HJV: variants seen among roughly 807,000 people sequenced by gnomAD.
HJV encodes the protein hemojuvelin.
HJV carries 18 observed loss-of-function variants against 22.7 expected under a neutral mutation model. The ratio of observed to expected loss-of-function variants is 0.79; its 90% CI spans 0.55 to 1.18. The LOEUF (loss-of-function observed/expected upper bound fraction) is 1.18, where lower values mean the gene tolerates loss of function less well. Ranked by LOEUF, HJV falls within the 50% of genes most tolerant of loss-of-function variation. The pLI, the probability that HJV is intolerant of heterozygous loss-of-function variation, is 0.00. For synonymous variants in HJV, 229 were observed against 222.7 expected, an observed-to-expected ratio of 1.03 and a Z score of -0.25; for missense variants, 572 against 553.0, an observed-to-expected ratio of 1.03 and a Z score of -0.34.
chr1:146,019,692 A>C lies in HJV; in HGVS notation c.140T>G (p.Val47Gly), dbSNP rs1441174539. 1 of 1,614,038 alleles carries C rather than the reference A, an allele frequency of 6.2e-7. No homozygotes were observed. The highest frequency in any genetic ancestry group is 8.5e-7 in the Non-Finnish European group (1 of 1,179,978). Residue 47 changes from valine (V) to glycine (G), a missense_variant, in exon 3 of 4, where the codon GTA becomes GGA. Val to Gly is a moderately radical substitution (Grantham distance 109). Transcript: ENST00000336751. ...CKILRCNAEYVSSTLSLRGGG... is the reference protein window; with the variant it reads ...CKILRCNAEYGSSTLSLRGGG... ...ACCTCTAAGGCTCAGAGTGGACGAT[A>C]CGTACTCAGCATTGCAGCGGAGGAT...
intron 1 of HJV, 53 bp from the exon 2 acceptor site, chr1:146,020,373 T>C (rs2101986792): frequency 1.4e-6 from 1 of 699,770 alleles, no homozygotes; most frequent in East Asian, 2.6e-5. Context: ...TGAAGATTGG[T>C]AAGGATAATG....
At position 146,018,437 on chromosome 1, in the gene HJV, G is replaced by T; in HGVS notation, c.921C>A (p.Ala307=). 1 of 1,614,132 alleles carries T rather than the reference G, an allele frequency of 6.2e-7. No homozygotes were observed. The highest frequency in any genetic ancestry group is 8.5e-7 in the Non-Finnish European group (1 of 1,180,012). ...SIKVAEDVAM[A]FSAEQDLQLC... is the part of the protein sequence containing the mutation. ...GCTGCAGGTCCTGTTCAGCTGAGAA[G>T]GCCATGGCCACATCCTCTGCTACCT... Residue 307 remains alanine, a synonymous_variant, in exon 4 of 4, where the codon GCC becomes GCA. Coordinates refer to ENST00000336751, the MANE Select transcript of HJV (RefSeq NM_213653.4).
rs1553769374 is a variant in HJV, at chr1:146,018,160, C to A, written c.1198G>T (p.Asp400Tyr). The A allele has an allele frequency of 6.2e-7, 1 of 1,614,154 alleles. No individual in the cohort carries two copies. Among genetic ancestry groups the A allele is most frequent in the Admixed American group, 1.7e-5 (1 of 60,002 alleles). ...GCTGAGGAAAGAGGAACCCCAGCAT[C>A]TGAGGGGAAGAGATGCAGCTTCTCT... ...DLEKLHLFPSDAGVPLSSATL... is the reference protein window; with the variant it reads ...DLEKLHLFPSYAGVPLSSATL... The change falls in exon 4 of 4, where the codon GAT (aspartate) becomes TAT (tyrosine). Residue 400 changes from aspartate (D) to tyrosine (Y), a missense_variant. Coordinates refer to ENST00000336751, the MANE Select transcript of HJV (RefSeq NM_213653.4).
Position 146,020,201 on chromosome 1 carries a change from T to G in HJV, c.31A>C (p.Arg11=). The G allele has an allele frequency of 1.2e-6, 2 of 1,613,320 alleles. No individual in the cohort carries two copies. Among genetic ancestry groups the G allele is most frequent in the South Asian group, 2.2e-5 (2 of 91,060 alleles). MGEPGQSPSP[R]SSHGSPPTLS... ...GTTGGGGGACTGCCATGGGAGGACC[T>G]GGGACTAGGGGACTGGCCTGGCTCC... The change falls in exon 2 of 4, where the codon AGG becomes CGG. Residue 11 remains arginine, a synonymous_variant. Coordinates refer to ENST00000336751, the MANE Select transcript of HJV (RefSeq NM_213653.4).
At chr1:146,019,986 G>A (rs1652620144) in intron 2 of HJV, 149 bp downstream of exon 2, 3 of 795,626 alleles carry the variant, frequency 3.8e-6, no homozygotes, top group Non-Finnish European at 6.4e-6. Flanking sequence ...CAGACTGAAC[G>A]GGAAATAAAA....
intron 3 of HJV, among the ~76,000 whole-genome samples, chr1:146,018,949 C>T (rs1014012787): frequency 2.0e-5 from 3 of 152,228 alleles, no homozygotes; most frequent in African/African-American, 7.2e-5. Flanking sequence ...GGTCCGCCCT[C>T]TCCGACTGTC....
At position 146,020,196 on chromosome 1, in the gene HJV, G is replaced by A. The variant is rs782353689; in HGVS notation, c.36C>T (p.Ser12=). ...GEPGQSPSPR[S]SHGSPPTLST... ...TTAGAGTTGGGGGACTGCCATGGGA[G>A]GACCTGGGACTAGGGGACTGGCCTG... Residue 12 remains serine, a synonymous_variant, in exon 2 of 4, where the codon TCC becomes TCT. Coordinates refer to ENST00000336751, the MANE Select transcript of HJV (RefSeq NM_213653.4). 25 of 1,613,310 alleles carry A rather than the reference G, an allele frequency of 1.5e-5. No individual in the cohort carries two copies. The highest frequency in any genetic ancestry group is 2.0e-5 in the Non-Finnish European group (24 of 1,179,420).
Position 146,019,440 on chromosome 1 carries a change from C to T in HJV, c.392G>A (p.Arg131Gln), listed in dbSNP as rs1553769723. ...GCCCGCGCCTGGAAGGGCGGGGCCC[C>T]GGGGCGGGGGAGGGGCTGTAGGGCC... ...RQGPTAPPPP[R>Q]GPALPGAGSG... Residue 131 changes from arginine (R) to glutamine (Q), a missense_variant, in exon 3 of 4, where the codon CGG (arginine) becomes CAG (glutamine). Physicochemically the swap from Arg to Gln is conservative, Grantham distance 43. Transcript: ENST00000336751. 22 of 1,611,944 alleles carry T rather than the reference C, an allele frequency of 1.4e-5. No individual in the cohort carries two copies. Among genetic ancestry groups the T allele is most frequent in the Admixed American group, 5.0e-5 (3 of 59,970 alleles).
At chr1:146,021,154 T>C (rs1019439796) in intron 1 of HJV, among the ~76,000 whole-genome samples, 1 of 151,522 alleles carries the variant, frequency 6.6e-6, no homozygotes, top group Non-Finnish European at 1.5e-5. Context: ...GGGACTAGAG[T>C]TGTGGGGAGA....
In HJV at chr1:146,021,730, GAGA is replaced by G. The variant is rs1553770133; in HGVS notation, c.-236_-234del. On this transcript the variant is annotated 5_prime_UTR_variant, in exon 1 of 4. Transcript: ENST00000336751. ...CTGTCTCACTGAGGTCAGGGAACCA[GAGA>G]AGGTTTGGTATGGGGGGAAGGGGGA... 1 of 152,780 alleles carries G rather than the reference GAGA, an allele frequency of 6.5e-6. No homozygotes were observed. Among genetic ancestry groups the G allele is most frequent in the Non-Finnish European group, 1.5e-5 (1 of 68,174 alleles). The allele number at this position is 152,780 out of a possible 1,614,324, so 9.5% of individuals were successfully genotyped here. A position where few individuals can be genotyped will look rare whatever the true frequency, so the allele number is the denominator to read the frequency against.
chr1:146,021,422 C>A (rs935465267), intron 1 of HJV, among the ~76,000 whole-genome samples, 165 bp downstream of exon 1: 30 of 152,026 alleles, frequency 2.0e-4, no homozygotes, highest in African/African-American at 7.0e-4. Flanking sequence ...AGGCCAGAGG[C>A]CAGAAAGAAA....
intron 1 of HJV, among the ~76,000 whole-genome samples, chr1:146,021,030 C>G (rs1553770056): frequency 6.6e-6 from 1 of 152,184 alleles, no homozygotes; most frequent in African/African-American, 2.4e-5. Context: ...AGTTCTCAGT[C>G]TTTTATGATG....
rs777931884 is a variant in HJV, at chr1:146,017,882, G to A, written c.*195C>T. 4 of 645,398 alleles carry A rather than the reference G, an allele frequency of 6.2e-6. No individual in the cohort carries two copies. Among genetic ancestry groups the A allele is most frequent in the Non-Finnish European group, 1.1e-5 (4 of 367,786 alleles). 40.0% of individuals were successfully genotyped at this position (645,398 alleles called of 1,614,324 possible). A position where few individuals can be genotyped will look rare whatever the true frequency, so the allele number is the denominator to read the frequency against. ...TGGTGAAGAGCCCCACAGAGATCCG[G>A]AATGCAGTAACCTTGCCCAGAATCC... On this transcript the variant is annotated 3_prime_UTR_variant, in exon 4 of 4. Coordinates refer to ENST00000336751, the MANE Select transcript of HJV (RefSeq NM_213653.4).
At position 146,018,477 on chromosome 1, in the gene HJV, A is replaced by T. The variant is rs782273448; in HGVS notation, c.881T>A (p.Leu294His). ...TIIIRQTAGQLSFSIKVAEDV... is the reference protein window; with the variant it reads ...TIIIRQTAGQHSFSIKVAEDV... ...CTCTGCTACCTTGATGGAGAAGGAG[A>T]GCTGCCCAGCTGTCTGCCGAATGAT... is the stretch of plus-strand genomic sequence containing the variant. The change falls in exon 4 of 4, where the codon CTC becomes CAC. Residue 294 changes from leucine to histidine, a missense_variant. Transcript: ENST00000336751. 8.1e-6 allele frequency: 13 copies of T among 1,614,008 alleles called. No individual in the cohort carries two copies. The African/African-American group carries it at 1.7e-4, about 22-fold the overall frequency.
In HJV at chr1:146,020,227, C is replaced by T; in HGVS notation, c.5G>A (p.Gly2Glu). The change falls in exon 2 of 4, where the codon GGG becomes GAG. Residue 2 changes from glycine to glutamate, a missense_variant. Transcript: ENST00000336751. M[G>E]EPGQSPSPRS... ...GGGACTAGGGGACTGGCCTGGCTCC[C>T]CCATACCTATCCAGCCAGGTTTCCC... 1 of 1,608,110 alleles carries T rather than the reference C, an allele frequency of 6.2e-7. No homozygotes were observed. The highest frequency in any genetic ancestry group is 8.5e-7 in the Non-Finnish European group (1 of 1,174,486).
Position 146,018,021 on chromosome 1 carries a change from A to G in HJV, c.*56T>C. The stretch of plus-strand genomic sequence containing the variant: ...CTTTAATGATTCTTTACATTCTTCT[A>G]TGCCAATCTGTATCTCCAAATCATT... On this transcript the variant is annotated 3_prime_UTR_variant, in exon 4 of 4. Coordinates refer to ENST00000336751, the MANE Select transcript of HJV (RefSeq NM_213653.4). 2 of 1,578,446 alleles carry G rather than the reference A, an allele frequency of 1.3e-6. No individual in the cohort carries two copies. The highest frequency in any genetic ancestry group is 1.7e-5 in the Admixed American group (1 of 59,846).
intron 1 of HJV, among the ~76,000 whole-genome samples, chr1:146,021,040 G>A (rs1466696177): frequency 2.0e-5 from 3 of 152,114 alleles, no homozygotes; most frequent in Non-Finnish European, 4.4e-5. Flanking sequence ...CTTTTATGAT[G>A]ACAGGAGTTG....
rs148998327 is a variant in HJV at position 146,018,290 on chromosome 1, A to G, written c.1068T>C (p.Ala356=). 73 of 1,614,110 alleles carry G rather than the reference A, an allele frequency of 4.5e-5. No homozygotes were observed. The Middle Eastern group carries it at 1.2e-3, about 26-fold the overall frequency. The change falls in exon 4 of 4, where the codon GCT becomes GCC. Residue 356 remains alanine, a synonymous_variant. Transcript: ENST00000336751. The part of the protein sequence containing the change: ...LCKEGLPVED[A]YFHSCVFDVL... ...CATCAAAGACACAGGAATGGAAGTA[A>G]GCATCTTCCACTGGAAGCCCTTCCT...
chr1:146,020,151 C>G lies in HJV; in HGVS notation c.81G>C (p.Leu27=), dbSNP rs782128359. 1.2e-5 allele frequency: 19 copies of G among 1,609,606 alleles called. No homozygotes were observed. In the South Asian group the frequency reaches 1.5e-4, roughly 13 times the overall value. Reference sequence around the variant, plus strand: ...CTTCCTTACCATGTCCACAGAGGAGCAGCAGGAGAGTGAGAGTGCTTAGAG... The same window carrying G: ...CTTCCTTACCATGTCCACAGAGGAGGAGCAGGAGAGTGAGAGTGCTTAGAG... ...PPTLSTLTLL[L]LLCGHAHSQC... Residue 27 remains leucine (L), a synonymous_variant, in exon 2 of 4, where the codon CTG becomes CTC. Transcript: ENST00000336751.
Sources: gnomAD v4.1 joint callset for allele counts (sites outside exome capture counted in the v4.1 genomes callset) on GRCh38, gnomAD v4.1.1 for gene constraint, MANE v1.5 for transcripts, NCBI Gene and HGNC (gene_info 2026-07-23, HGNC 2026-07-21) for gene names.